The following SPANXN5 variants were observed in gnomAD, a reference collection of about 807,000 sequenced individuals.
SPANXN5 encodes SPANX family member N5.
Under a neutral mutation model 4.5 loss-of-function variants are expected in SPANXN5, and 5 were observed. The observed-to-expected ratio is 1.11, with a 90% CI of 0.58 to 2.33. The LOEUF is 2.33. Among genes scored for constraint, SPANXN5 ranks in the 30% most tolerant of loss-of-function variants. The probability of loss-of-function intolerance (pLI) is 0.01; values close to 1 mark genes in which losing one functional copy is unlikely to be tolerated. For missense variants in SPANXN5, 41 were observed against 50.3 expected (o/e 0.82, Z 0.56); for synonymous variants, 20 against 20.4 (o/e 0.98, Z 0.05).
intron 1 of SPANXN5, 60 bp downstream of exon 1, chrX:52,797,213 GC>G: frequency 8.8e-7 from 1 of 1,140,416 alleles, no homozygotes; most frequent in South Asian, 1.8e-5. Flanking sequence ...TGTTTGAGCT[GC>G]CCCCTCTCTG....
In SPANXN5 at chrX:52,796,414, G is replaced by A; in HGVS notation, c.*74C>T. 1 of 1,157,112 alleles carries A rather than the reference G, an allele frequency of 8.6e-7. No homozygotes were observed. The highest frequency in any genetic ancestry group is 2.0e-5 in the South Asian group (1 of 50,680). The stretch of plus-strand genomic sequence containing the variant: ...TTCATCCTGCTTTGAAGATTCTGCA[G>A]ATGAGTCTAGGTCTTCGTCCTCCTG... On this transcript the variant is annotated 3_prime_UTR_variant, in exon 2 of 2. Coordinates refer to ENST00000375511, the MANE Select transcript of SPANXN5 (RefSeq NM_001009616.4).
rs201378339 is a variant in SPANXN5, at chrX:52,796,452, G to C, written c.*36C>G. On this transcript the variant is annotated 3_prime_UTR_variant, in exon 2 of 2. Transcript: ENST00000375511. ...CTTCGTCCTCCTGTGAGGATCCTTC[G>C]TCCTCCTCCTCTTGGACTGGATTGA... 1 of 1,200,220 alleles carries C rather than the reference G, an allele frequency of 8.3e-7. No individual in the cohort carries two copies.
In SPANXN5 at chrX:52,796,354, T is replaced by A; in HGVS notation, c.*134A>T. ...TCCTTCAGATAACCCTAGGTCTTCATCCTCCTGTGAAGATCCTTCAGGTAA... is the reference window on the plus strand; with the variant it reads ...TCCTTCAGATAACCCTAGGTCTTCAACCTCCTGTGAAGATCCTTCAGGTAA... On this transcript the variant is annotated 3_prime_UTR_variant, in exon 2 of 2. Transcript: ENST00000375511. 1.1e-6 allele frequency: 1 copy of A among 932,185 alleles called. No individual in the cohort carries two copies. 76.8% of individuals were successfully genotyped at this position (932,185 alleles called of 1,213,427 possible). A position where few individuals can be genotyped will look rare whatever the true frequency, so the allele number is the denominator to read the frequency against.
At position 52,796,349 on chromosome X, in the gene SPANXN5, C is replaced by T; in HGVS notation, c.*139G>A. 1.1e-6 allele frequency: 1 copy of T among 907,365 alleles called. No homozygotes were observed. The highest frequency in any genetic ancestry group is 2.4e-5 in the South Asian group (1 of 42,535). 74.8% of individuals were successfully genotyped at this position (907,365 alleles called of 1,213,427 possible). A position where few individuals can be genotyped will look rare whatever the true frequency, so the allele number is the denominator to read the frequency against. ...GAAGATCCTTCAGATAACCCTAGGT[C>T]TTCATCCTCCTGTGAAGATCCTTCA... On this transcript the variant is annotated 3_prime_UTR_variant, in exon 2 of 2. Coordinates refer to ENST00000375511, the MANE Select transcript of SPANXN5 (RefSeq NM_001009616.4).
At chrX:52,797,123 C>T (rs1411453905) in intron 1 of SPANXN5, 151 bp downstream of exon 1, 1 of 618,227 alleles carries the variant, frequency 1.6e-6, no homozygotes. Context: ...CTGTAAGTAC[C>T]CCAGGCTGTA....
intron 1 of SPANXN5, 88 bp downstream of exon 1, chrX:52,797,186 C>A: frequency 3.0e-6 from 3 of 1,005,296 alleles, no homozygotes; most frequent in Non-Finnish European, 4.2e-6. Flanking sequence ...CAAGCGTCTG[C>A]AGTATTCCTG....
Position 52,796,602 on chromosome X carries a change from G to A in SPANXN5, c.105C>T (p.Val35=), listed in dbSNP as rs1189973819. Residue 35 remains valine (V), a synonymous_variant, in exon 2 of 2, where the codon GTC becomes GTT. Transcript: ENST00000375511. ...TCATCTTTTTCAAACTCGGTTCGAG[G>A]ACTAAGTCCCTGTTTGGTGTCTCCT... ...EMQETPNRDL[V]LEPSLKKMKT... 9.1e-6 allele frequency: 11 copies of A among 1,210,012 alleles called. No homozygotes were observed. The highest frequency in any genetic ancestry group is 1.1e-5 in the Non-Finnish European group (10 of 895,269).
chrX:52,796,289 A>G lies in SPANXN5; in HGVS notation c.*199T>C. ...TCTGGGTCTTCTTCCTCCATCAAAG[A>G]TCCTTCAGATGAGTCTAGGTCTTCA... On this transcript the variant is annotated 3_prime_UTR_variant, in exon 2 of 2. Transcript: ENST00000375511. The G allele has an allele frequency of 3.6e-6, 2 of 558,026 alleles. No homozygotes were observed. The highest frequency in any genetic ancestry group is 3.7e-4 in the Middle Eastern group (1 of 2,710). The allele number at this position is 558,026 out of a possible 1,213,427, so 46.0% of individuals were successfully genotyped here.
In SPANXN5 at chrX:52,796,239, C is replaced by T. The variant is rs1446106704; in HGVS notation, c.*249G>A. ...CCATGTTTAATTAGTCTTCCTCACC[C>T]TCCTCTGACGATCCTTCAGATGAGT... On this transcript the variant is annotated 3_prime_UTR_variant, in exon 2 of 2. Coordinates refer to ENST00000375511, the MANE Select transcript of SPANXN5 (RefSeq NM_001009616.4). 7.4e-6 allele frequency: 3 copies of T among 406,028 alleles called. No homozygotes were observed. In the African/African-American group the frequency reaches 7.5e-5, roughly 10 times the overall value. 33.5% of individuals were successfully genotyped at this position (406,028 alleles called of 1,213,427 possible). A position where few individuals can be genotyped will look rare whatever the true frequency, so the allele number is the denominator to read the frequency against.
rs782428263 is a variant in SPANXN5, at chrX:52,797,265, C to A, written c.75+9G>T. Reference sequence around the variant, plus strand: ...CCCTCGCCTTCACTTCAAAACCTAACAATCTTACCTCATCATTTTTGCTGT... The same window carrying A: ...CCCTCGCCTTCACTTCAAAACCTAAAAATCTTACCTCATCATTTTTGCTGT... On this transcript the variant is annotated intron_variant, in intron 1 of 1. Transcript: ENST00000375511. 2 of 1,208,160 alleles carry A rather than the reference C, an allele frequency of 1.7e-6. No homozygotes were observed. The highest frequency in any genetic ancestry group is 3.5e-5 in the African/African-American group (2 of 56,978).
Position 52,796,602 on chromosome X carries a change from G to C in SPANXN5, c.105C>G (p.Val35=). The change falls in exon 2 of 2, where the codon GTC becomes GTG. Residue 35 remains valine, a synonymous_variant. Coordinates refer to ENST00000375511, the MANE Select transcript of SPANXN5 (RefSeq NM_001009616.4). ...TCATCTTTTTCAAACTCGGTTCGAG[G>C]ACTAAGTCCCTGTTTGGTGTCTCCT... ...EMQETPNRDL[V]LEPSLKKMKT... 3.3e-6 allele frequency: 4 copies of C among 1,211,788 alleles called. No individual in the cohort carries two copies. The highest frequency in any genetic ancestry group is 5.9e-5 in the East Asian group (2 of 33,852).
Position 52,797,395 on chromosome X carries a change from C to T in SPANXN5, c.-47G>A. 1 of 1,150,094 alleles carries T rather than the reference C, an allele frequency of 8.7e-7. No homozygotes were observed. Among genetic ancestry groups the T allele is most frequent in the Non-Finnish European group, 1.2e-6 (1 of 841,659 alleles). The allele number at this position is 1,150,094 out of a possible 1,213,427, so 94.8% of individuals were successfully genotyped here. A position where few individuals can be genotyped will look rare whatever the true frequency, so the allele number is the denominator to read the frequency against. On this transcript the variant is annotated 5_prime_UTR_variant, in exon 1 of 2. Coordinates refer to ENST00000375511, the MANE Select transcript of SPANXN5 (RefSeq NM_001009616.4). ...GTCTACAGCAGGATCTTGTAGAGTC[C>T]AGACTTCCACAGCTATATTGAAGCT... is the stretch of plus-strand genomic sequence containing the variant.
At chrX:52,796,703 G>C (rs1173263574) in intron 1 of SPANXN5, 72 bp from the exon 2 acceptor site, 2 of 1,170,626 alleles carry the variant, frequency 1.7e-6, no homozygotes, top group East Asian at 6.0e-5. Flanking sequence ...GATAGCAAGG[G>C]GGGCTTTATG....
chrX:52,796,735 A>AG lies in SPANXN5; in HGVS notation c.76-105dup. The AG allele has an allele frequency of 2.8e-6, 3 of 1,079,230 alleles. No individual in the cohort carries two copies. In the South Asian group the frequency reaches 6.2e-5, roughly 22 times the overall value. 88.9% of individuals were successfully genotyped at this position (1,079,230 alleles called of 1,213,427 possible). On this transcript the variant is annotated intron_variant, in intron 1 of 1. Transcript: ENST00000375511. Reference sequence around the variant, plus strand: ...TATGAGAAGGAATGCAGGTTGAGGAAGGGGTTCGATCCAGAGAAGAACAAG... The same window carrying AG: ...TATGAGAAGGAATGCAGGTTGAGGAAGGGGGTTCGATCCAGAGAAGAACAAG...
chrX:52,797,154 T>A, intron 1 of SPANXN5, 120 bp downstream of exon 1: 1 of 818,105 alleles, frequency 1.2e-6, no homozygotes, highest in Non-Finnish European at 1.8e-6. Flanking sequence ...GGATCTGGCA[T>A]TAAGCTGGTC....
chrX:52,796,219 TTTAA>T lies in SPANXN5; in HGVS notation c.*265_*268del, dbSNP rs1926564609. The T allele has an allele frequency of 2.8e-6, 1 of 353,238 alleles. No homozygotes were observed. Among genetic ancestry groups the T allele is most frequent in the Non-Finnish European group, 5.1e-6 (1 of 194,397 alleles). 29.1% of individuals were successfully genotyped at this position (353,238 alleles called of 1,213,427 possible). The stretch of plus-strand genomic sequence containing the variant: ...ATTTGTCCAATTTGGTTTCTCCATG[TTTAA>T]TTAGTCTTCCTCACCCTCCTCTGAC... On this transcript the variant is annotated 3_prime_UTR_variant, in exon 2 of 2. Coordinates refer to ENST00000375511, the MANE Select transcript of SPANXN5 (RefSeq NM_001009616.4).
At position 52,796,249 on chromosome X, in the gene SPANXN5, G is replaced by A. The variant is rs1429166995; in HGVS notation, c.*239C>T. 10 of 430,021 alleles carry A rather than the reference G, an allele frequency of 2.3e-5. No individual in the cohort carries two copies. The highest frequency in any genetic ancestry group is 4.9e-5 in the African/African-American group (2 of 40,485). 35.4% of individuals were successfully genotyped at this position (430,021 alleles called of 1,213,427 possible). A position where few individuals can be genotyped will look rare whatever the true frequency, so the allele number is the denominator to read the frequency against. On this transcript the variant is annotated 3_prime_UTR_variant, in exon 2 of 2. Coordinates refer to ENST00000375511, the MANE Select transcript of SPANXN5 (RefSeq NM_001009616.4). ...TTAGTCTTCCTCACCCTCCTCTGAC[G>A]ATCCTTCAGATGAGTCTGGGTCTTC... is the stretch of plus-strand genomic sequence containing the variant.
chrX:52,796,757 C>T (rs782230229), intron 1 of SPANXN5, 126 bp from the exon 2 acceptor site: 1 of 949,957 alleles, frequency 1.1e-6, no homozygotes, highest in Non-Finnish European at 1.5e-6. Flanking sequence ...CAGAGAAGAA[C>T]AAGGTTGACT....
rs1926567387 is a variant in SPANXN5, at chrX:52,796,344, T to C, written c.*144A>G. The C allele has an allele frequency of 2.3e-6, 2 of 859,813 alleles. No homozygotes were observed. The highest frequency in any genetic ancestry group is 4.0e-5 in the African/African-American group (2 of 49,865). The allele number at this position is 859,813 out of a possible 1,213,427, so 70.9% of individuals were successfully genotyped here. Reference sequence around the variant, plus strand: ...CTTGTGAAGATCCTTCAGATAACCCTAGGTCTTCATCCTCCTGTGAAGATC... The same window carrying C: ...CTTGTGAAGATCCTTCAGATAACCCCAGGTCTTCATCCTCCTGTGAAGATC... On this transcript the variant is annotated 3_prime_UTR_variant, in exon 2 of 2. Transcript: ENST00000375511.
Sources: gnomAD v4.1 joint callset for allele counts on GRCh38, gnomAD v4.1.1 for gene constraint, MANE v1.5 for transcripts, NCBI Gene and HGNC (gene_info 2026-07-23, HGNC 2026-07-21) for gene names.